The following EML5 variants were observed in gnomAD, a reference collection of about 807,000 sequenced individuals.
The protein encoded by EML5 is echinoderm microtubule-associated protein-like 5.
EML5 carries 120 observed loss-of-function variants against 250.0 expected under a neutral mutation model. That is an observed-to-expected ratio of 0.48 (90% CI 0.41 to 0.56). EML5 has a LOEUF of 0.56. Ranked by LOEUF, EML5 falls within the 20% of genes least tolerant of loss-of-function variation. The probability of loss-of-function intolerance (pLI) is 0.00; values close to 1 mark genes in which losing one functional copy is unlikely to be tolerated. For missense variants in EML5, 2,006 were observed against 2,437.6 expected (o/e 0.82, Z 3.73); for synonymous variants, 771 against 806.5 (o/e 0.96, Z 0.75).
chr14:88,622,940 A>C, intron 36 of EML5: 1 of 400,546 alleles, frequency 2.5e-6, no homozygotes, highest in Non-Finnish European at 4.4e-6. Context: ...TTTGAGAAAT[A>C]CTCTTTTTTT....
At chr14:88,790,834 TAC>T (rs1343252196) in intron 1 of EML5, among the ~76,000 whole-genome samples, 2 of 152,116 alleles carry the variant, frequency 1.3e-5, no homozygotes, top group Non-Finnish European at 2.9e-5. Flanking sequence ...GATAAATAAT[TAC>T]TACGGGTTTA....
chr14:88,714,906 A>T (rs749099717), intron 9 of EML5, 33 bp downstream of exon 9: 1 of 1,592,702 alleles, frequency 6.3e-7, no homozygotes, highest in Admixed American at 1.7e-5. Flanking sequence ...TTGTATAGGT[A>T]CTACAAATCT....
chr14:88,648,456 A>G (rs531025155), intron 28 of EML5, among the ~76,000 whole-genome samples: 22 of 152,032 alleles, frequency 1.4e-4, no homozygotes, highest in Non-Finnish European at 2.8e-4. Context: ...CACGCTCCAG[A>G]CATCTTCCTG....
At chr14:88,687,549 C>G (rs1208339402) in intron 18 of EML5, among the ~76,000 whole-genome samples, 2 of 152,062 alleles carry the variant, frequency 1.3e-5, no homozygotes, top group Non-Finnish European at 2.9e-5. Flanking sequence ...TTAGATAGGG[C>G]TTTAGAAACA....
chr14:88,757,275 C>G (rs2094173696), intron 1 of EML5, among the ~76,000 whole-genome samples: 1 of 152,192 alleles, frequency 6.6e-6, no homozygotes, highest in South Asian at 2.1e-4. Context: ...TATATATCCA[C>G]ATACAAAAAA....
chr14:88,644,596 T>TG, intron 29 of EML5, 85 bp from the exon 30 acceptor site: 1 of 1,273,134 alleles, frequency 7.9e-7, no homozygotes, highest in East Asian at 2.4e-5. Flanking sequence ...CCCAGAGAGG[T>TG]GTCTTGTCAC....
In EML5 at chr14:88,664,553, G is replaced by A. The variant is rs763377951; in HGVS notation, c.3349C>T (p.Arg1117Ter). 6 of 1,610,468 alleles carry A rather than the reference G, an allele frequency of 3.7e-6. No homozygotes were observed. Among genetic ancestry groups the A allele is most frequent in the South Asian group, 2.2e-5 (2 of 90,350 alleles). The change falls in exon 23 of 44, where the codon CGA (arginine) becomes TGA (stop). Residue 1117 changes from arginine to a stop codon, truncating the protein, a stop_gained. Coordinates refer to ENST00000554922, the MANE Select transcript of EML5 (RefSeq NM_183387.3). LOFTEE classifies it high-confidence loss of function. ...IDIYNVMSSK[R>*]VGICKGATSY... is the part of the protein sequence containing the mutation. ...GTAGCTCCTTTGCATATTCCTACTC[G>A]TTTACTACTCATTACATTGTATATA... is the stretch of plus-strand genomic sequence containing the variant.
At chr14:88,707,081 G>A (rs2093329766) in intron 10 of EML5, among the ~76,000 whole-genome samples, 1 of 152,086 alleles carries the variant, frequency 6.6e-6, no homozygotes, top group South Asian at 2.1e-4. Context: ...CAGGTGATGT[G>A]TTTTGGGTAA....
intron 7 of EML5, among the ~76,000 whole-genome samples, chr14:88,728,251 C>T (rs985730473): frequency 1.3e-5 from 2 of 151,424 alleles, no homozygotes; most frequent in African/African-American, 4.9e-5. Context: ...CAACTATTTA[C>T]ACGGCACTTA....
chr14:88,742,518 T>C (rs925533265), intron 4 of EML5, among the ~76,000 whole-genome samples: 22 of 152,292 alleles, frequency 1.4e-4, no homozygotes, highest in South Asian at 6.2e-4. Flanking sequence ...AAAAATATAG[T>C]TTATTTAGTT....
rs181074159 is a variant in EML5, at chr14:88,628,871, T to A, written c.4358-1052A>T. 6.0e-4 allele frequency among the ~76,000 whole-genome samples: 91 copies of A among 152,070 alleles called. 1 individual carries two copies. The East Asian group carries it at 0.015, about 26-fold the overall frequency. On this transcript the variant is annotated intron_variant, in intron 33 of 43. Coordinates refer to ENST00000554922, the MANE Select transcript of EML5 (RefSeq NM_183387.3). ...TAGAGTATCATTAAGTAGAAATTGT[T>A]CAAAGATTTATGCAACTGTAAAATA...
intron 21 of EML5, among the ~76,000 whole-genome samples, chr14:88,675,161 C>T (rs1284669703): frequency 6.6e-6 from 1 of 152,238 alleles, no homozygotes; most frequent in East Asian, 1.9e-4. Context: ...TTGCCCTCTT[C>T]TCATAACTCC....
At chr14:88,729,072 A>G (rs979097603) in intron 7 of EML5, among the ~76,000 whole-genome samples, 4 of 146,404 alleles carry the variant, frequency 2.7e-5, no homozygotes, top group Non-Finnish European at 6.1e-5. Context: ...GGATTTTTCT[A>G]TATATATAAA....
At chr14:88,678,956 T>C (rs2092658160) in intron 21 of EML5, among the ~76,000 whole-genome samples, 1 of 152,054 alleles carries the variant, frequency 6.6e-6, no homozygotes, top group East Asian at 1.9e-4. Flanking sequence ...TGCTCCGTTG[T>C]GAAAGTTCTT....
intron 28 of EML5, among the ~76,000 whole-genome samples, chr14:88,649,289 G>T (rs1362533531): frequency 6.6e-6 from 1 of 152,020 alleles, no homozygotes. Context: ...TCTCACTTCG[G>T]CCTTCCCAAG....
chr14:88,705,458 A>C, intron 12 of EML5, 24 bp downstream of exon 12: 1 of 1,525,642 alleles, frequency 6.6e-7, no homozygotes, highest in Non-Finnish European at 9.0e-7. Flanking sequence ...TTTTAGAGAA[A>C]AACCATGTGA....
intron 21 of EML5, among the ~76,000 whole-genome samples, chr14:88,669,241 T>A (rs2092392716): frequency 6.6e-6 from 1 of 152,166 alleles, no homozygotes; most frequent in South Asian, 2.1e-4. Context: ...GCTGCACAGA[T>A]TCTCAGTGGC....
intron 14 of EML5, among the ~76,000 whole-genome samples, chr14:88,701,802 C>A (rs996484495): frequency 6.6e-6 from 1 of 152,138 alleles, no homozygotes; most frequent in African/African-American, 2.4e-5. Flanking sequence ...CAAACCTAAA[C>A]CTCATCATTT....
intron 1 of EML5, among the ~76,000 whole-genome samples, chr14:88,788,443 C>T (rs1207022992): frequency 6.6e-6 from 1 of 151,930 alleles, no homozygotes; most frequent in East Asian, 1.9e-4. Context: ...ATTATTTTAA[C>T]CTGCAACCAT....
Sources: gnomAD v4.1 joint callset for allele counts (sites outside exome capture counted in the v4.1 genomes callset) on GRCh38, gnomAD v4.1.1 for gene constraint, MANE v1.5 for transcripts, NCBI Gene and HGNC (gene_info 2026-07-23, HGNC 2026-07-21) for gene names.